DLGAP2: variants seen among roughly 807,000 people sequenced by gnomAD.
DLGAP2 encodes the protein DLG associated protein 2.
A neutral mutation model predicts 100.3 loss-of-function variants in DLGAP2; 26 were observed. That is an observed-to-expected ratio of 0.26 (90% CI 0.19 to 0.36). DLGAP2 has a LOEUF of 0.36. Among genes scored for constraint, DLGAP2 ranks in the 10% least tolerant of loss-of-function variants. The pLI is 1.00. For missense variants in DLGAP2, 1,858 were observed against 1,453.2 expected (o/e 1.28, Z -4.53); for synonymous variants, 886 against 630.1 (o/e 1.41, Z -6.08).
intron 2 of DLGAP2, among the ~76,000 whole-genome samples, chr8:984,638 A>G (rs987031718): frequency 2.6e-5 from 4 of 152,248 alleles, no homozygotes; most frequent in African/African-American, 9.6e-5. Context: ...ACAGCGGTGT[A>G]AAGAGCACGG....
At chr8:1,659,074 AT>A (rs1398638344) in intron 8 of DLGAP2, among the ~76,000 whole-genome samples, 1 of 152,148 alleles carries the variant, frequency 6.6e-6, no homozygotes, top group Non-Finnish European at 1.5e-5. Context: ...TAACTTATTT[AT>A]TTCTGCCTTA....
At chr8:868,967 A>C (rs1797549023) in intron 1 of DLGAP2, among the ~76,000 whole-genome samples, 1 of 152,208 alleles carries the variant, frequency 6.6e-6, no homozygotes, top group South Asian at 2.1e-4. Context: ...TTGCTGTCTC[A>C]GAAAAGCTTT....
At chr8:1,417,833 G>A (rs989170819) in intron 3 of DLGAP2, among the ~76,000 whole-genome samples, 24 of 152,192 alleles carry the variant, frequency 1.6e-4, no homozygotes, top group Non-Finnish European at 2.9e-4. Context: ...TGAAGAATTC[G>A]ATTATTACCT....
At chr8:1,331,100 G>A (rs1273248495) in intron 3 of DLGAP2, among the ~76,000 whole-genome samples, 1 of 152,210 alleles carries the variant, frequency 6.6e-6, no homozygotes, top group Non-Finnish European at 1.5e-5. Flanking sequence ...TTAGCTGCCT[G>A]CTGGGTACTC....
intron 6 of DLGAP2, among the ~76,000 whole-genome samples, chr8:1,566,325 T>C (rs946493714): frequency 1.3e-5 from 2 of 152,172 alleles, no homozygotes; most frequent in African/African-American, 2.4e-5. Flanking sequence ...CATTTTTTTG[T>C]AGAGGAGGGA....
intron 8 of DLGAP2, among the ~76,000 whole-genome samples, chr8:1,638,461 A>T (rs572339326): frequency 1.3e-5 from 2 of 152,122 alleles, no homozygotes; most frequent in South Asian, 2.1e-4. Flanking sequence ...ACATGAATCA[A>T]TGTTGCTCTG....
At chr8:1,482,238 C>T (rs1460853938) in intron 3 of DLGAP2, among the ~76,000 whole-genome samples, 3 of 152,214 alleles carry the variant, frequency 2.0e-5, no homozygotes, top group Non-Finnish European at 2.9e-5. Flanking sequence ...TTTCAAGTCA[C>T]TGTTTCTCTT....
At chr8:1,687,757 G>A (rs1251930122) in intron 12 of DLGAP2, among the ~76,000 whole-genome samples, 2 of 152,114 alleles carry the variant, frequency 1.3e-5, no homozygotes, top group Non-Finnish European at 2.9e-5. Context: ...TGTGAAAATT[G>A]GGAATTAAAC....
chr8:1,458,711 C>A (rs1798389273), intron 3 of DLGAP2, among the ~76,000 whole-genome samples: 2 of 152,210 alleles, frequency 1.3e-5, no homozygotes, highest in Non-Finnish European at 2.9e-5. Context: ...CTGGGGAAGA[C>A]AGGGTTTGCA....
chr8:1,478,032 C>T (rs1486461533), intron 3 of DLGAP2, among the ~76,000 whole-genome samples: 1 of 152,200 alleles, frequency 6.6e-6, no homozygotes, highest in African/African-American at 2.4e-5. Flanking sequence ...TTCATTCCCC[C>T]TACGTAAGGG....
chr8:1,162,001 G>A (rs533638228), intron 2 of DLGAP2, among the ~76,000 whole-genome samples: 1 of 152,230 alleles, frequency 6.6e-6, no homozygotes, highest in South Asian at 2.1e-4. Context: ...AGGTGCCTGG[G>A]CCTGGCAAGA....
At chr8:745,656 A>G (rs1016196311) in intron 1 of DLGAP2, among the ~76,000 whole-genome samples, 4 of 152,340 alleles carry the variant, frequency 2.6e-5, no homozygotes, top group East Asian at 1.9e-4. Context: ...GTTTTGTTTC[A>G]TAGTATAATA....
intron 3 of DLGAP2, among the ~76,000 whole-genome samples, chr8:1,299,495 G>A (rs1446031625): frequency 2.6e-5 from 4 of 152,212 alleles, no homozygotes; most frequent in Non-Finnish European, 5.9e-5. Context: ...CAGGTTGCAT[G>A]AGGTGAGCAT....
intron 3 of DLGAP2, among the ~76,000 whole-genome samples, chr8:1,350,183 C>A (rs1563098876): frequency 1.3e-5 from 2 of 151,008 alleles, no homozygotes; most frequent in African/African-American, 2.4e-5. Flanking sequence ...CGTGGAAAGG[C>A]CGCGCGGGTC....
At chr8:943,798 G>A (rs900671974) in intron 2 of DLGAP2, among the ~76,000 whole-genome samples, 4 of 152,264 alleles carry the variant, frequency 2.6e-5, no homozygotes, top group Admixed American at 6.5e-5. Flanking sequence ...TTGATCTAAC[G>A]CACTATTTAG....
Position 1,031,625 on chromosome 8 carries a change from G to A in DLGAP2, c.73+123659G>A, listed in dbSNP as rs575473698. On this transcript the variant is annotated intron_variant, in intron 2 of 14. Transcript: ENST00000637795. Reference sequence around the variant, plus strand: ...GAGGTCTCATCATGTTGCCCAAGCCGGTTGTGAAACTTCTTGCACTTTATA... The same window carrying A: ...GAGGTCTCATCATGTTGCCCAAGCCAGTTGTGAAACTTCTTGCACTTTATA... Among the ~76,000 whole-genome samples the A allele has an allele frequency of 1.6e-4, 24 of 152,118 alleles. No homozygotes were observed. The South Asian group carries it at 3.9e-3, about 25-fold the overall frequency.
chr8:1,161,452 C>T (rs1796886605), intron 2 of DLGAP2, among the ~76,000 whole-genome samples: 1 of 152,222 alleles, frequency 6.6e-6, no homozygotes, highest in Non-Finnish European at 1.5e-5. Context: ...GCAGAGGGCT[C>T]AGCGATCTTG....
intron 2 of DLGAP2, among the ~76,000 whole-genome samples, chr8:938,569 C>G (rs1354341930): frequency 1.3e-5 from 2 of 152,216 alleles, no homozygotes; most frequent in Non-Finnish European, 2.9e-5. Flanking sequence ...AAGGGCCTCC[C>G]CTGCTCCCTG....
chr8:1,023,857 ATGTGTGTGTGTG>A lies in DLGAP2; in HGVS notation c.73+115923_73+115934del, dbSNP rs149206104. On this transcript the variant is annotated intron_variant, in intron 2 of 14. Transcript: ENST00000637795. ...GTCTGCAAGTGCTCAAACTTTATAT[ATGTGTGTGTGTG>A]TGTGTGTGTGTGTGTGTGTGTGTGT... is the stretch of plus-strand genomic sequence containing the variant. 2.6e-4 allele frequency among the ~76,000 whole-genome samples: 33 copies of A among 128,936 alleles called. No individual in the cohort carries two copies. The Middle Eastern group carries it at 0.012, about 47-fold the overall frequency. 84.6% of individuals were successfully genotyped at this position (128,936 alleles called of 152,430 possible).
Sources: allele counts gnomAD v4.1 joint callset (sites outside exome capture counted in the v4.1 genomes callset), GRCh38; gene constraint gnomAD v4.1.1; transcripts MANE v1.5; gene names NCBI Gene and HGNC (gene_info 2026-07-23, HGNC 2026-07-21).